FHIT: variants seen among roughly 807,000 people sequenced by gnomAD.
The protein encoded by FHIT is bis(5'-adenosyl)-triphosphatase.
A neutral mutation model predicts 17.9 loss-of-function variants in FHIT; 19 were observed. The ratio of observed to expected loss-of-function variants is 1.06; its 90% CI spans 0.74 to 1.56. The LOEUF (loss-of-function observed/expected upper bound fraction) is 1.56. Among genes scored for constraint, FHIT ranks in the 40% most tolerant of loss-of-function variants. FHIT has a pLI of 0.00. For synonymous variants in FHIT, 81 were observed against 69.7 expected, an observed-to-expected ratio of 1.16 and a Z score of -0.81; for missense variants, 248 against 189.2, an observed-to-expected ratio of 1.31 and a Z score of -1.82.
chr3:60,956,810 T>A (rs1161464446), intron 3 of FHIT, among the ~76,000 whole-genome samples: 3 of 152,228 alleles, frequency 2.0e-5, no homozygotes, highest in Admixed American at 2.0e-4. Context: ...AAATCCAGAT[T>A]TTCATTGAAA....
At chr3:60,436,442 C>G (rs1239229165) in intron 5 of FHIT, among the ~76,000 whole-genome samples, 1 of 152,066 alleles carries the variant, frequency 6.6e-6, no homozygotes, top group African/African-American at 2.4e-5. Flanking sequence ...ATGCAGTGTG[C>G]CCATCATGCC....
intron 3 of FHIT, among the ~76,000 whole-genome samples, chr3:60,922,373 T>G (rs1408466466): frequency 6.6e-6 from 1 of 152,176 alleles, no homozygotes; most frequent in African/African-American, 2.4e-5. Context: ...TAAAAATGCA[T>G]CCTGGGTGCT....
intron 5 of FHIT, among the ~76,000 whole-genome samples, chr3:60,495,016 G>C (rs1216403652): frequency 6.6e-6 from 1 of 152,104 alleles, no homozygotes; most frequent in Non-Finnish European, 1.5e-5. Flanking sequence ...CTGTGTGTTA[G>C]CTCTACTTTT....
At chr3:60,135,323 G>C (rs945253155) in intron 5 of FHIT, among the ~76,000 whole-genome samples, 1 of 152,034 alleles carries the variant, frequency 6.6e-6, no homozygotes, top group Admixed American at 6.5e-5. Flanking sequence ...GATTATAGGC[G>C]AGAAAATGCT....
chr3:60,006,888 A>T (rs1361628237), intron 7 of FHIT, among the ~76,000 whole-genome samples: 1 of 152,198 alleles, frequency 6.6e-6, no homozygotes, highest in Non-Finnish European at 1.5e-5. Context: ...CAGTGAACAG[A>T]AGAGCTTCCT....
chr3:60,156,082 G>T (rs1700676208), intron 5 of FHIT, among the ~76,000 whole-genome samples: 1 of 152,146 alleles, frequency 6.6e-6, no homozygotes, highest in Non-Finnish European at 1.5e-5. Context: ...GGCCGGGTGT[G>T]GGGGCTCATG....
In FHIT at chr3:60,131,056, T is replaced by C. The variant is rs375258499; in HGVS notation, c.104-116904A>G. On this transcript the variant is annotated intron_variant, in intron 5 of 9. Coordinates refer to ENST00000492590, the MANE Select transcript of FHIT (RefSeq NM_002012.4). ...ATGTGTATATATACACATATATACATACATACACATGTATGTATGTATACA... is the reference window on the plus strand; with the variant it reads ...ATGTGTATATATACACATATATACACACATACACATGTATGTATGTATACA... 9.8e-4 allele frequency among the ~76,000 whole-genome samples: 59 copies of C among 59,970 alleles called. 1 individual carries two copies. The highest frequency in any genetic ancestry group is 4.7e-3 in the African/African-American group (39 of 8,334). The allele number at this position is 59,970 out of a possible 152,430, so 39.3% of individuals were successfully genotyped here. A position where few individuals can be genotyped will look rare whatever the true frequency, so the allele number is the denominator to read the frequency against.
At chr3:60,356,762 A>C (rs1474642544) in intron 5 of FHIT, among the ~76,000 whole-genome samples, 51 of 72,362 alleles carry the variant, frequency 7.0e-4, no homozygotes, top group Non-Finnish European at 7.9e-4. Context: ...ACAAAAAAAA[A>C]AAAAAAAAAA....
At chr3:60,265,400 T>C (rs559623807) in intron 5 of FHIT, among the ~76,000 whole-genome samples, 12 of 152,056 alleles carry the variant, frequency 7.9e-5, no homozygotes, top group Middle Eastern at 6.8e-3. Context: ...TCCTACTTCA[T>C]AGAATATATA....
intron 5 of FHIT, among the ~76,000 whole-genome samples, chr3:60,137,386 G>A (rs1699860361): frequency 6.6e-6 from 1 of 152,218 alleles, no homozygotes; most frequent in South Asian, 2.1e-4. Context: ...CCCTCAGTGA[G>A]ACAGAAACAC....
At chr3:61,010,105 T>C (rs2031703120) in intron 3 of FHIT, among the ~76,000 whole-genome samples, 1 of 152,116 alleles carries the variant, frequency 6.6e-6, no homozygotes, top group Admixed American at 6.5e-5. Context: ...TCACATCACC[T>C]GAAGCATGGT....
intron 7 of FHIT, among the ~76,000 whole-genome samples, chr3:59,978,997 C>T (rs1181653780): frequency 6.6e-6 from 1 of 152,092 alleles, no homozygotes; most frequent in African/African-American, 2.4e-5. Context: ...ATACTTCCCT[C>T]TGCATCTGGA....
chr3:60,341,221 C>T (rs1156809158), intron 5 of FHIT, among the ~76,000 whole-genome samples: 1 of 152,122 alleles, frequency 6.6e-6, no homozygotes, highest in African/African-American at 2.4e-5. Flanking sequence ...GATATATCCA[C>T]ACAGCACTTT....
chr3:60,570,623 C>T (rs770187995), intron 4 of FHIT, among the ~76,000 whole-genome samples: 3 of 151,202 alleles, frequency 2.0e-5, no homozygotes, highest in African/African-American at 4.9e-5. Flanking sequence ...TAAAGCTCTG[C>T]GTTTGGCATA....
intron 4 of FHIT, among the ~76,000 whole-genome samples, chr3:60,633,941 A>G (rs2039513105): frequency 6.6e-6 from 1 of 152,256 alleles, no homozygotes; most frequent in African/African-American, 2.4e-5. Flanking sequence ...GCACAGGCTC[A>G]TAGCATATGA....
intron 5 of FHIT, among the ~76,000 whole-genome samples, chr3:60,357,226 G>A (rs965117197): frequency 6.6e-6 from 1 of 151,866 alleles, no homozygotes; most frequent in African/African-American, 2.4e-5. Flanking sequence ...GTTTGTTTCT[G>A]AGATGGAGTT....
chr3:60,504,197 C>A (rs6446128), intron 5 of FHIT, among the ~76,000 whole-genome samples: 55,116 of 151,844 alleles, frequency 0.36, 10,497 homozygotes, highest in African/African-American at 0.47. Flanking sequence ...GCACTTTGGG[C>A]GGCCGAGGCG....
chr3:59,909,532 G>A (rs1053530795), intron 8 of FHIT, among the ~76,000 whole-genome samples: 3 of 152,146 alleles, frequency 2.0e-5, no homozygotes, highest in South Asian at 2.1e-4. Context: ...GTTTCACCAC[G>A]TTGGCCAGGC....
chr3:61,167,628 CAAAA>C (rs34229498), intron 2 of FHIT, among the ~76,000 whole-genome samples: 6 of 98,930 alleles, frequency 6.1e-5, no homozygotes, highest in Admixed American at 1.1e-4. Context: ...AACTGTGTCT[CAAAA>C]AAAAAAAAAA....
Sources: gnomAD v4.1 joint callset for allele counts (sites outside exome capture counted in the v4.1 genomes callset) on GRCh38, gnomAD v4.1.1 for gene constraint, MANE v1.5 for transcripts, NCBI Gene and HGNC (gene_info 2026-07-23, HGNC 2026-07-21) for gene names.